TPD52L1: variants seen among roughly 807,000 people sequenced by gnomAD.
The protein encoded by TPD52L1 is TPD52 like 1.
In TPD52L1, 18 loss-of-function variants were observed where a neutral mutation model predicts 28.7. The ratio of observed to expected loss-of-function variants is 0.63; its 90% confidence interval spans 0.43 to 0.93. The LOEUF is 0.93. Ranked by LOEUF, TPD52L1 falls within the 40% of genes least tolerant of loss-of-function variation. TPD52L1 has a pLI of 0.00. For missense variants in TPD52L1, 203 were observed against 254.8 expected (o/e 0.80, Z 1.39); for synonymous variants, 75 against 88.8 (o/e 0.84, Z 0.88).
At chr6:125,257,246 G>A in intron 6 of TPD52L1, 88 bp downstream of exon 6, 4 of 1,097,790 alleles carry the variant, frequency 3.6e-6, no homozygotes, top group Non-Finnish European at 5.4e-6. Context: ...TCGAGGCAGG[G>A]CCAAGAAGGC....
At chr6:125,210,584 TGCATG>T (rs139973573) in intron 1 of TPD52L1, among the ~76,000 whole-genome samples, 76,448 of 151,856 alleles carry the variant, frequency 0.5, 19,575 homozygotes, top group East Asian at 0.65. Flanking sequence ...CTGGTGTATA[TGCATG>T]TAAGGTATAT....
intron 1 of TPD52L1, chr6:125,203,907 C>A: frequency 2.0e-6 from 1 of 496,162 alleles, no homozygotes; most frequent in Non-Finnish European, 2.6e-6. Flanking sequence ...TCAAGTAGAG[C>A]TGTCTTTTAC....
chr6:125,200,362 G>A (rs1369654725), intron 1 of TPD52L1, among the ~76,000 whole-genome samples: 1 of 152,180 alleles, frequency 6.6e-6, no homozygotes, highest in Non-Finnish European at 1.5e-5. Context: ...TATTGGAAAT[G>A]TTTTCAGGAA....
intron 2 of TPD52L1, among the ~76,000 whole-genome samples, chr6:125,225,116 C>T (rs1026330358): frequency 5.3e-5 from 8 of 152,222 alleles, no homozygotes; most frequent in African/African-American, 1.9e-4. Flanking sequence ...CCTTTTGTGT[C>T]TGGCTTCTTT....
intron 3 of TPD52L1, among the ~76,000 whole-genome samples, chr6:125,240,370 T>C (rs1180794778): frequency 6.6e-6 from 1 of 152,136 alleles, no homozygotes; most frequent in Non-Finnish European, 1.5e-5. Flanking sequence ...AGAGTGATAA[T>C]GATATTTTGA....
At chr6:125,179,202 C>T (rs987423457) in intron 1 of TPD52L1, among the ~76,000 whole-genome samples, 1 of 152,210 alleles carries the variant, frequency 6.6e-6, no homozygotes, top group Non-Finnish European at 1.5e-5. Context: ...TTAATTTTAG[C>T]TCTCCAAGAG....
intron 1 of TPD52L1, among the ~76,000 whole-genome samples, chr6:125,202,533 A>C (rs1287714113): frequency 6.6e-6 from 1 of 152,136 alleles, no homozygotes; most frequent in Non-Finnish European, 1.5e-5. Context: ...GTGGAAAATC[A>C]GTTCTCTGGT....
intron 6 of TPD52L1, 150 bp from the exon 7 acceptor site, chr6:125,262,683 TA>T: frequency 9.1e-7 from 1 of 1,095,514 alleles, no homozygotes; most frequent in Middle Eastern, 2.3e-4. Flanking sequence ...AGCACTCTAC[TA>T]AAGGAAACAA....
chr6:125,203,900 A>G (rs1363256698), intron 1 of TPD52L1: 7 of 603,426 alleles, frequency 1.2e-5, no homozygotes, highest in Non-Finnish European at 1.5e-5. Context: ...TTCACAGTCA[A>G]GTAGAGCTGT....
intron 4 of TPD52L1, among the ~76,000 whole-genome samples, chr6:125,250,459 C>G (rs1047030146): frequency 1.3e-5 from 2 of 152,184 alleles, no homozygotes; most frequent in Non-Finnish European, 2.9e-5. Flanking sequence ...AACAATGTCA[C>G]TGGACTGTTA....
chr6:125,206,402 G>C (rs1028391500), intron 1 of TPD52L1, among the ~76,000 whole-genome samples: 47 of 152,064 alleles, frequency 3.1e-4, no homozygotes, highest in African/African-American at 1.1e-3. Context: ...TATATATAAT[G>C]AGATGAAAAA....
Position 125,182,919 on chromosome 6 carries a change from C to T in TPD52L1, c.19+28949C>T, listed in dbSNP as rs183713184. 2.0e-4 allele frequency among the ~76,000 whole-genome samples: 31 copies of T among 152,180 alleles called. No homozygotes were observed. In the East Asian group the frequency reaches 4.1e-3, roughly 20 times the overall value. ...ACACACACATAGATGGTGGGGATTACGAATGCAAGGAATGTTATTTTTTGA... is the reference window on the plus strand; with the variant it reads ...ACACACACATAGATGGTGGGGATTATGAATGCAAGGAATGTTATTTTTTGA... On this transcript the variant is annotated intron_variant, in intron 1 of 6. Coordinates refer to ENST00000534000, the MANE Select transcript of TPD52L1 (RefSeq NM_003287.4).
chr6:125,229,262 A>G lies in TPD52L1; in HGVS notation c.280A>G (p.Thr94Ala). ...AAGCTGGCATGACATGCAGACTACCACTGCGTAAGTATCATATGAACAGTG... is the reference window on the plus strand; with the variant it reads ...AAGCTGGCATGACATGCAGACTACCGCTGCGTAAGTATCATATGAACAGTG... ...SKSWHDMQTT[T>A]AYKKTHETLS... The change falls in exon 3 of 7, where the codon ACT (threonine) becomes GCT (alanine). Residue 94 changes from threonine to alanine, a missense_variant. Physicochemically the swap from Thr to Ala is moderately conservative, Grantham distance 58 (BLOSUM62 0). Transcript: ENST00000534000. The G allele has an allele frequency of 1.2e-6, 2 of 1,612,154 alleles. No homozygotes were observed. The highest frequency in any genetic ancestry group is 1.7e-5 in the Admixed American group (1 of 59,678).
At chr6:125,165,940 T>C (rs1469730270) in intron 1 of TPD52L1, among the ~76,000 whole-genome samples, 2 of 152,190 alleles carry the variant, frequency 1.3e-5, no homozygotes, top group Non-Finnish European at 2.9e-5. Context: ...CTCAGTATTT[T>C]AAAATAAATA....
At chr6:125,246,385 G>A (rs1796927002) in intron 3 of TPD52L1, among the ~76,000 whole-genome samples, 1 of 152,088 alleles carries the variant, frequency 6.6e-6, no homozygotes, top group Non-Finnish European at 1.5e-5. Flanking sequence ...CGGTGTTCCT[G>A]GTAAGTTCCT....
intron 4 of TPD52L1, chr6:125,252,073 C>T (rs908819633): frequency 2.0e-6 from 3 of 1,535,702 alleles, no homozygotes; most frequent in Admixed American, 2.0e-5. Flanking sequence ...GCTTTCCCCA[C>T]TCCCTTGCTG....
At chr6:125,172,098 CCCTTTCTTTCTT>C (rs1267334942) in intron 1 of TPD52L1, among the ~76,000 whole-genome samples, 3 of 77,444 alleles carry the variant, frequency 3.9e-5, no homozygotes, top group East Asian at 6.4e-4. Context: ...TTCTTTCTTT[CCCTTTCTTTCTT>C]TCTTTCTTTC....
At chr6:125,200,989 A>T (rs1438732241) in intron 1 of TPD52L1, among the ~76,000 whole-genome samples, 1 of 152,200 alleles carries the variant, frequency 6.6e-6, no homozygotes, top group African/African-American at 2.4e-5. Flanking sequence ...TTTTTCAGAC[A>T]GGGTTGGCAC....
At chr6:125,230,946 A>G (rs906929739) in intron 3 of TPD52L1, among the ~76,000 whole-genome samples, 8 of 152,246 alleles carry the variant, frequency 5.3e-5, no homozygotes, top group Non-Finnish European at 8.8e-5. Flanking sequence ...AATTTAAAAG[A>G]TAAGTTGCAA....
Sources: allele counts gnomAD v4.1 joint callset (sites outside exome capture counted in the v4.1 genomes callset), GRCh38; gene constraint gnomAD v4.1.1; transcripts MANE v1.5; gene names NCBI Gene and HGNC (gene_info 2026-07-23, HGNC 2026-07-21).